The following DMD variants were observed in gnomAD, a reference collection of about 807,000 sequenced individuals.
The protein encoded by DMD is mutant dystrophin.
In DMD, 63 loss-of-function variants were observed where a neutral mutation model predicts 330.1. The ratio of observed to expected loss-of-function variants is 0.19; its 90% confidence interval spans 0.16 to 0.24. DMD has a LOEUF of 0.24. Ranked by LOEUF, DMD falls within the 10% of genes least tolerant of loss-of-function variation. The pLI is 1.00. For synonymous variants in DMD, 1,223 were observed against 959.8 expected, an observed-to-expected ratio of 1.27 and a Z score of -5.07; for missense variants, 3,344 against 2,684.1, an observed-to-expected ratio of 1.25 and a Z score of -5.43.
intron 7 of DMD, among the ~76,000 whole-genome samples, chrX:32,740,238 G>A (rs2069069616): frequency 9.1e-6 from 1 of 110,474 alleles, no homozygotes; most frequent in African/African-American, 3.3e-5. Flanking sequence ...AATCTATAGT[G>A]ACATGAAGTT....
Position 32,312,942 on chromosome X carries a change from C to CAAAAAAAAAAAAAAAAAAAAAAAAAA in DMD, c.5923-2667_5923-2666insTTTTTTTTTTTTTTTTTTTTTTTTTT, listed in dbSNP as rs767993498. Among the ~76,000 whole-genome samples the CAAAAAAAAAAAAAAAAAAAAAAAAAA allele has an allele frequency of 8.8e-4, 18 of 20,404 alleles. 2 individuals carry two copies. Among genetic ancestry groups the CAAAAAAAAAAAAAAAAAAAAAAAAAA allele is most frequent in the East Asian group, 3.1e-3 (1 of 325 alleles). 17.7% of individuals were successfully genotyped at this position (20,404 alleles called of 115,157 possible). Reference sequence around the variant, plus strand: ...ATTGAGGCAGTAATAGCCTACGAACCAAAAAAAAAAAAAAAAAAAAAAGCC... The same window carrying CAAAAAAAAAAAAAAAAAAAAAAAAAA: ...ATTGAGGCAGTAATAGCCTACGAACCAAAAAAAAAAAAAAAAAAAAAAAAAAAAAAAAAAAAAAAAAAAAAAAAGCC... On this transcript the variant is annotated intron_variant, in intron 41 of 78. Transcript: ENST00000357033.
chrX:32,286,601 C>T (rs2097442754), intron 43 of DMD, among the ~76,000 whole-genome samples: 1 of 111,736 alleles, frequency 8.9e-6, no homozygotes, highest in Non-Finnish European at 1.9e-5. Flanking sequence ...TACCAAAGCT[C>T]TTACACTTTA....
chrX:32,670,206 C>G (rs752941726), intron 9 of DMD, among the ~76,000 whole-genome samples: 2 of 111,754 alleles, frequency 1.8e-5, no homozygotes, highest in African/African-American at 6.5e-5. Context: ...GAGTGTCTGT[C>G]TCCTCTCTAG....
intron 2 of DMD, among the ~76,000 whole-genome samples, chrX:32,857,996 A>G (rs1047892567): frequency 3.0e-5 from 3 of 99,803 alleles, no homozygotes; most frequent in African/African-American, 1.1e-4. Context: ...GGGCACCGAG[A>G]GAGAGAAAGC....
intron 26 of DMD, among the ~76,000 whole-genome samples, chrX:32,451,366 A>G (rs2098329254): frequency 9.0e-6 from 1 of 110,715 alleles, no homozygotes; most frequent in South Asian, 3.7e-4. Flanking sequence ...AAGTTCTGGT[A>G]AGCACTAGTA....
At chrX:32,619,086 A>C (rs972640796) in intron 11 of DMD, among the ~76,000 whole-genome samples, 4 of 112,105 alleles carry the variant, frequency 3.6e-5, no homozygotes, top group African/African-American at 1.3e-4. Context: ...GAACGGATAA[A>C]GAAAATGTGG....
chrX:31,331,159 AC>A (rs1410477506), intron 61 of DMD, among the ~76,000 whole-genome samples: 1 of 111,867 alleles, frequency 8.9e-6, no homozygotes, highest in Admixed American at 9.5e-5. Context: ...CTAACGAATA[AC>A]AACCTGTAAA....
chrX:33,131,645 G>T (rs2095500130), intron 1 of DMD, among the ~76,000 whole-genome samples: 1 of 112,029 alleles, frequency 8.9e-6, no homozygotes, highest in Admixed American at 9.5e-5. Context: ...AAAAAAAGTT[G>T]TGAGTAGGAG....
At chrX:31,508,916 A>C (rs1280002156) in intron 55 of DMD, among the ~76,000 whole-genome samples, 1 of 111,704 alleles carries the variant, frequency 9.0e-6, no homozygotes, top group African/African-American at 3.3e-5. Flanking sequence ...AAGATGCAGA[A>C]TTCTGAATGT....
At position 31,829,301 on chromosome X, in the gene DMD, T is replaced by G. The variant is rs181790015; in HGVS notation, c.7200+7417A>C. On this transcript the variant is annotated intron_variant, in intron 49 of 78. Transcript: ENST00000357033. ...ATATAGTACTCAGGAAATGGATACA[T>G]AAAAAATTTCAGAATTCGCCACTAT... Among the ~76,000 whole-genome samples the G allele has an allele frequency of 3.0e-3, 336 of 110,376 alleles. 2 individuals carry two copies. Among genetic ancestry groups the G allele is most frequent in the African/African-American group, 9.7e-3 (296 of 30,376 alleles).
chrX:32,831,338 C>G (rs2148897204), intron 4 of DMD, among the ~76,000 whole-genome samples: 2 of 110,631 alleles, frequency 1.8e-5, no homozygotes, highest in Non-Finnish European at 3.8e-5. Flanking sequence ...TTGATATATT[C>G]AAGATTTAAG....
chrX:33,134,501 T>A (rs2095515401), intron 1 of DMD, among the ~76,000 whole-genome samples: 2 of 111,976 alleles, frequency 1.8e-5, no homozygotes, highest in Admixed American at 9.5e-5. Context: ...TGAGATTATC[T>A]GAGAATTTCC....
chrX:32,276,046 G>T (rs904840901), intron 43 of DMD, among the ~76,000 whole-genome samples: 1 of 112,070 alleles, frequency 8.9e-6, no homozygotes, highest in Non-Finnish European at 1.9e-5. Flanking sequence ...TGCAGAGAGG[G>T]AATCTTTGCA....
At chrX:32,163,413 T>G (rs2096857198) in intron 44 of DMD, among the ~76,000 whole-genome samples, 1 of 112,292 alleles carries the variant, frequency 8.9e-6, no homozygotes, top group South Asian at 3.7e-4. Flanking sequence ...ATGAGTTTAC[T>G]TAGAAAACTC....
At chrX:31,247,456 C>T (rs1019937203) in intron 63 of DMD, among the ~76,000 whole-genome samples, 3 of 109,549 alleles carry the variant, frequency 2.7e-5, no homozygotes, top group South Asian at 8.1e-4. Context: ...AAAAATTAGC[C>T]GGGCGTAGTG....
At chrX:32,927,363 C>CTTTTTTTTTT (rs536073565) in intron 2 of DMD, among the ~76,000 whole-genome samples, 23 of 56,986 alleles carry the variant, frequency 4.0e-4, no homozygotes, top group Non-Finnish European at 6.9e-4. Context: ...TTCTTTCTTT[C>CTTTTTTTTTT]TTTTTTTTTT....
intron 30 of DMD, among the ~76,000 whole-genome samples, chrX:32,390,801 T>C (rs373183774): frequency 1.7e-4 from 19 of 111,556 alleles, no homozygotes; most frequent in Admixed American, 1.2e-3. Flanking sequence ...ATTATAGGCG[T>C]GAGCCACTGT....
At position 31,539,011 on chromosome X, in the gene DMD, C is replaced by T. The variant is rs757175606; in HGVS notation, c.8218-31558G>A. ...CTTCATGGTGAGGGATGATTATTCT[C>T]GTATTCTTAAATTTCAGTCTAATAG... On this transcript the variant is annotated intron_variant, in intron 55 of 78. Transcript: ENST00000357033. Among the ~76,000 whole-genome samples the T allele has an allele frequency of 4.5e-5, 5 of 111,735 alleles. No homozygotes were observed. The South Asian group carries it at 1.9e-3, about 42-fold the overall frequency.
intron 51 of DMD, among the ~76,000 whole-genome samples, chrX:31,752,510 T>G (rs770190535): frequency 1.1e-4 from 12 of 110,888 alleles, no homozygotes; most frequent in Non-Finnish European, 1.9e-5. Context: ...GGTGTATTGT[T>G]GGGTCTCTTT....
Sources: gnomAD v4.1 joint callset for allele counts (sites outside exome capture counted in the v4.1 genomes callset) on GRCh38, gnomAD v4.1.1 for gene constraint, MANE v1.5 for transcripts, NCBI Gene and HGNC (gene_info 2026-07-23, HGNC 2026-07-21) for gene names.